SYNPO: variants seen among roughly 807,000 people sequenced by gnomAD.
The protein encoded by SYNPO is synaptopodin.
Under a neutral mutation model 49.5 loss-of-function variants are expected in SYNPO, and 19 were observed. The ratio of observed to expected loss-of-function variants is 0.38; its 90% CI spans 0.27 to 0.56. The LOEUF is 0.56. Ranked by LOEUF, SYNPO falls within the 20% of genes least tolerant of loss-of-function variation. The probability of loss-of-function intolerance (pLI) is 0.68; values close to 1 mark genes in which losing one functional copy is unlikely to be tolerated. For missense variants in SYNPO, 1,131 were observed against 1,248.3 expected, an observed-to-expected ratio of 0.91 and a Z score of 1.42; for synonymous variants, 536 against 548.0, an observed-to-expected ratio of 0.98 and a Z score of 0.31.
At chr5:150,656,183 G>A (rs1758543526) in intron 2 of SYNPO, among the ~76,000 whole-genome samples, 1 of 152,160 alleles carries the variant, frequency 6.6e-6, no homozygotes. Flanking sequence ...TCTCCAAAGC[G>A]AGTCTTCTTA....
chr5:150,651,664 G>A (rs1017250704), intron 2 of SYNPO: 5 of 1,001,128 alleles, frequency 5.0e-6, no homozygotes, highest in Non-Finnish European at 6.0e-6. Flanking sequence ...GCTGGGGCAG[G>A]TGCATAGCAG....
intron 1 of SYNPO, among the ~76,000 whole-genome samples, chr5:150,615,523 G>A (rs759065890): frequency 4.6e-5 from 7 of 152,212 alleles, no homozygotes; most frequent in Non-Finnish European, 8.8e-5. Context: ...AGGGGATCCT[G>A]CAATGCCACA....
chr5:150,628,019 T>C (rs1757414349), intron 2 of SYNPO, among the ~76,000 whole-genome samples: 1 of 146,276 alleles, frequency 6.8e-6, no homozygotes, highest in South Asian at 2.2e-4. Flanking sequence ...TGTGTGTGTT[T>C]CTGTGTGTGT....
intron 2 of SYNPO, chr5:150,653,254 C>T (rs1259250651): frequency 2.0e-5 from 3 of 152,242 alleles, no homozygotes; most frequent in Admixed American, 2.0e-4. Flanking sequence ...CCAGGCATGG[C>T]TGTTAGGGTG....
intron 1 of SYNPO, among the ~76,000 whole-genome samples, chr5:150,643,073 G>C (rs557010237): frequency 1.6e-4 from 25 of 152,342 alleles, no homozygotes; most frequent in Non-Finnish European, 2.8e-4. Context: ...TGGCCTTCTA[G>C]AGCCAGTAAG....
In SYNPO at chr5:150,649,670, G is replaced by A. The variant is rs144726615; in HGVS notation, c.1395G>A (p.Pro465=). Reference sequence around the variant, plus strand: ...AGTCACCCCGCATCCAGGCCAAGCCGAAGCCCAAACCCAACCAGAACCTCT... The same window carrying A: ...AGTCACCCCGCATCCAGGCCAAGCCAAAGCCCAAACCCAACCAGAACCTCT... ...CLKSPRIQAK[P]KPKPNQNLSE... The change falls in exon 2 of 3, where the codon CCG becomes CCA. Residue 465 remains proline, a synonymous_variant. Coordinates refer to ENST00000307662, the MANE Select transcript of SYNPO (RefSeq NM_007286.6). 444 of 1,610,562 alleles carry A rather than the reference G, an allele frequency of 2.8e-4. 2 individuals are homozygous for A. In the African/African-American group the frequency reaches 5.2e-3, roughly 19 times the overall value.
intron 1 of SYNPO, among the ~76,000 whole-genome samples, chr5:150,601,598 C>T (rs767646710): frequency 5.3e-5 from 8 of 152,180 alleles, no homozygotes; most frequent in African/African-American, 1.4e-4. Context: ...TGTGCACACG[C>T]GAGAGCCTGT....
chr5:150,655,699 C>A (rs569854311), intron 2 of SYNPO, among the ~76,000 whole-genome samples: 1 of 152,334 alleles, frequency 6.6e-6, no homozygotes, highest in Admixed American at 6.5e-5. Context: ...GTTGCCCAGG[C>A]TGGAGTGCGG....
At chr5:150,597,116 G>A (rs1335385174), upstream of SYNPO, among the ~76,000 whole-genome samples, 1 of 152,170 alleles carries the variant, frequency 6.6e-6, no homozygotes, top group African/African-American at 2.4e-5. Flanking sequence ...GGGGGACAGT[G>A]GGCTTTGGAG....
At chr5:150,622,622 C>G (rs901770178) in intron 2 of SYNPO, among the ~76,000 whole-genome samples, 2 of 152,178 alleles carry the variant, frequency 1.3e-5, no homozygotes, top group Non-Finnish European at 2.9e-5. Context: ...TCAGATGAGT[C>G]CTGCCACTGG....
At chr5:150,618,821 G>T in intron 2 of SYNPO, 1 of 1,546,730 alleles carries the variant, frequency 6.5e-7, no homozygotes, top group Non-Finnish European at 8.7e-7. Flanking sequence ...AGACCCCCCA[G>T]GTCCTTAGTA....
upstream of SYNPO, among the ~76,000 whole-genome samples, chr5:150,638,977 T>C (rs185336457): frequency 3.3e-5 from 5 of 152,268 alleles, no homozygotes; most frequent in African/African-American, 1.2e-4. Context: ...GATCCTGTGA[T>C]CCTCTCTGTG....
intron 1 of SYNPO, among the ~76,000 whole-genome samples, chr5:150,605,491 G>A (rs1389059200): frequency 6.6e-6 from 1 of 152,088 alleles, no homozygotes; most frequent in Non-Finnish European, 1.5e-5. Flanking sequence ...GGGATGGAGG[G>A]GTGGGGGCAA....
chr5:150,643,841 T>C (rs1757995996), intron 1 of SYNPO, among the ~76,000 whole-genome samples: 1 of 151,976 alleles, frequency 6.6e-6, no homozygotes, highest in Admixed American at 6.5e-5. Flanking sequence ...CTGAGAAGAC[T>C]TTTTCTCTGT....
chr5:150,620,941 C>CT (rs376022278), intron 2 of SYNPO, among the ~76,000 whole-genome samples: 24 of 103,074 alleles, frequency 2.3e-4, no homozygotes, highest in South Asian at 1.1e-3. Flanking sequence ...TTCTTTCTTT[C>CT]TTTCTTTTCT....
chr5:150,650,384 A>G, intron 2 of SYNPO, 81 bp downstream of exon 2: 2 of 1,585,862 alleles, frequency 1.3e-6, no homozygotes, highest in Non-Finnish European at 1.7e-6. Flanking sequence ...CTTGAGGGCC[A>G]GATGGAGAGC....
intron 2 of SYNPO, among the ~76,000 whole-genome samples, chr5:150,632,217 A>G (rs908443710): frequency 2.6e-5 from 4 of 152,324 alleles, no homozygotes; most frequent in South Asian, 2.1e-4. Flanking sequence ...ATGCAGTATC[A>G]GCATCACCCA....
At chr5:150,611,713 G>A (rs1405515738) in intron 1 of SYNPO, among the ~76,000 whole-genome samples, 2 of 152,234 alleles carry the variant, frequency 1.3e-5, no homozygotes, top group East Asian at 3.9e-4. Flanking sequence ...AGGATGCCAA[G>A]ATTGGTCAGT....
chr5:150,614,797 A>G (rs1311421625), intron 1 of SYNPO: 2 of 152,116 alleles, frequency 1.3e-5, no homozygotes, highest in Non-Finnish European at 2.9e-5. Context: ...CACAGAGGAG[A>G]TCCGCCCTCA....
Sources: gnomAD v4.1 joint callset for allele counts (sites outside exome capture counted in the v4.1 genomes callset) on GRCh38, gnomAD v4.1.1 for gene constraint, MANE v1.5 for transcripts, NCBI Gene and HGNC (gene_info 2026-07-23, HGNC 2026-07-21) for gene names.